The following NKAIN4 variants were observed in gnomAD, a reference collection of about 807,000 sequenced individuals.
The protein encoded by NKAIN4 is sodium/potassium transporting ATPase interacting 4.
A neutral mutation model predicts 28.8 loss-of-function variants in NKAIN4; 28 were observed. The ratio of observed to expected loss-of-function variants is 0.97; its 90% CI spans 0.72 to 1.33. The LOEUF (loss-of-function observed/expected upper bound fraction) is 1.33. NKAIN4 is among the 40% of genes most tolerant of loss of function. The pLI, the probability that NKAIN4 is intolerant of heterozygous loss-of-function variation, is 0.00. For missense variants in NKAIN4, 289 were observed against 277.2 expected (o/e 1.04, Z -0.30); for synonymous variants, 122 against 115.6 (o/e 1.06, Z -0.36).
chr20:63,242,488 G>C, intron 6 of NKAIN4, 51 bp downstream of exon 6: 1 of 1,330,014 alleles, frequency 7.5e-7, no homozygotes. Context: ...TCGCTGTGAG[G>C]GCCAGATTGG....
chr20:63,250,125 C>T (rs986596444), intron 1 of NKAIN4, 53 bp from the exon 2 acceptor site: 14 of 1,514,744 alleles, frequency 9.2e-6, no homozygotes, highest in Middle Eastern at 1.8e-4. Flanking sequence ...GCCCCAGGCC[C>T]GCCAGCCAGG....
intron 5 of NKAIN4, among the ~76,000 whole-genome samples, chr20:63,243,608 A>G (rs182271258): frequency 3.1e-4 from 47 of 152,308 alleles, no homozygotes; most frequent in Non-Finnish European, 4.9e-4. Flanking sequence ...GGGAAGATGA[A>G]ACCCTGCCCA....
chr20:63,244,375 G>A, intron 4 of NKAIN4: 1 of 528,180 alleles, frequency 1.9e-6, no homozygotes, highest in Non-Finnish European at 3.6e-6. Context: ...GTCAGCCTGA[G>A]TGGCTGCAGG....
At chr20:63,243,766 G>T in intron 5 of NKAIN4, 1 of 409,688 alleles carries the variant, frequency 2.4e-6, no homozygotes, top group South Asian at 4.0e-5. Flanking sequence ...CATGAGGGCA[G>T]GCCCAGCCCA....
intron 1 of NKAIN4, chr20:63,253,335 T>C (rs112820553): frequency 6.1e-6 from 6 of 985,176 alleles, no homozygotes; most frequent in Non-Finnish European, 7.2e-6. Context: ...GGAAGCTCCT[T>C]CCTTCCTGCA....
intron 4 of NKAIN4, among the ~76,000 whole-genome samples, chr20:63,246,082 C>T (rs568006781): frequency 3.6e-4 from 55 of 152,300 alleles, no homozygotes; most frequent in Middle Eastern, 3.4e-3. Context: ...CGCCCGCCAC[C>T]ACGCCCGGCT....
At chr20:63,241,584 G>A in intron 6 of NKAIN4, 78 bp from the exon 7 acceptor site, 1 of 1,321,918 alleles carries the variant, frequency 7.6e-7, no homozygotes, top group Non-Finnish European at 1.1e-6. Flanking sequence ...CCTCCCCTTG[G>A]AGAACCTGAA....
intron 1 of NKAIN4, chr20:63,254,112 G>A: frequency 2.3e-6 from 1 of 442,734 alleles, no homozygotes; most frequent in Non-Finnish European, 4.2e-6. Context: ...CTTCCGTCCG[G>A]CCAGCCCATC....
rs1395820018 is a variant in NKAIN4, at chr20:63,245,368, C to T, written c.472-1284G>A. On this transcript the variant is annotated intron_variant, in intron 4 of 6. Transcript: ENST00000370316. The surrounding 1 kb of genome is among the most constrained non-coding windows in gnomAD (Gnocchi z 4.7). Reference sequence around the variant, plus strand: ...AAAGGAGCCCAAGACGCCCCCATCCCGGAGCTGGCCGTGGCGCCGAACAGG... The same window carrying T: ...AAAGGAGCCCAAGACGCCCCCATCCTGGAGCTGGCCGTGGCGCCGAACAGG... Among the ~76,000 whole-genome samples the T allele has an allele frequency of 2.0e-5, 3 of 152,300 alleles. No individual in the cohort carries two copies. Among genetic ancestry groups the T allele is most frequent in the East Asian group, 1.9e-4 (1 of 5,170 alleles).
intron 3 of NKAIN4, chr20:63,248,425 G>A: frequency 5.1e-6 from 1 of 195,698 alleles, no homozygotes; most frequent in South Asian, 1.0e-4. Context: ...TCCCTGCATT[G>A]CAGGAGGCAC....
intron 1 of NKAIN4, among the ~76,000 whole-genome samples, chr20:63,250,358 C>T (rs2066935108): frequency 6.6e-6 from 1 of 152,184 alleles, no homozygotes; most frequent in Non-Finnish European, 1.5e-5. Context: ...CCCCGGTGAG[C>T]GTTCCTCCCT....
At chr20:63,248,687 G>A (rs1362193130) in intron 3 of NKAIN4, 128 bp downstream of exon 3, 10 of 679,796 alleles carry the variant, frequency 1.5e-5, no homozygotes, top group Non-Finnish European at 2.4e-5. Context: ...GGGTGCTGGG[G>A]ACAGAGCCAT....
chr20:63,247,287 C>A (rs2066876569), intron 4 of NKAIN4: 1 of 1,351,446 alleles, frequency 7.4e-7, no homozygotes, highest in Non-Finnish European at 9.6e-7. Context: ...GGTGTCTCGG[C>A]CTGATCCGAT....
At position 63,254,430 on chromosome 20, in the gene NKAIN4, G is replaced by C; in HGVS notation, c.21C>G (p.Arg7=). 1 of 1,435,284 alleles carries C rather than the reference G, an allele frequency of 7.0e-7. No individual in the cohort carries two copies. Among genetic ancestry groups the C allele is most frequent in the Non-Finnish European group, 9.1e-7 (1 of 1,094,286 alleles). The allele number at this position is 1,435,284 out of a possible 1,614,324, so 88.9% of individuals were successfully genotyped here. The part of the protein sequence containing the change: MGSCSG[R]CALVVLCAFQ... ...AAGCGCAGAGGACGACGAGCGCGCAGCGGCCGGAGCAGGAGCCCATGGTGC... is the reference window on the plus strand; with the variant it reads ...AAGCGCAGAGGACGACGAGCGCGCACCGGCCGGAGCAGGAGCCCATGGTGC... The change falls in exon 1 of 7, where the codon CGC becomes CGG. Residue 7 remains arginine (R), a synonymous_variant. Coordinates refer to ENST00000370316, the MANE Select transcript of NKAIN4 (RefSeq NM_152864.4).
At position 63,242,607 on chromosome 20, in the gene NKAIN4, T is replaced by A; in HGVS notation, c.549A>T (p.Gly183=). Residue 183 remains glycine, a synonymous_variant, in exon 6 of 7, where the codon GGA becomes GGT. Transcript: ENST00000370316. ...EEEDSFDFIG[G]FDPFPLYHVN... is the part of the protein sequence containing the mutation. ...CATGGTAGAGAGGAAATGGATCAAA[T>A]CCACCAATGAAATCAACTGAAAGAA... 3 of 1,612,534 alleles carry A rather than the reference T, an allele frequency of 1.9e-6. No individual in the cohort carries two copies.
In NKAIN4 at chr20:63,242,638, G is replaced by A. The variant is rs751807276; in HGVS notation, c.533-15C>T. The A allele has an allele frequency of 6.3e-7, 1 of 1,596,082 alleles. No homozygotes were observed. Among genetic ancestry groups the A allele is most frequent in the South Asian group, 1.1e-5 (1 of 90,662 alleles). ...AATGAAATCAACTGAAAGAAATCAA[G>A]ACCCAAATAAAACAAAACCTACACA... On this transcript the variant is annotated splice_polypyrimidine_tract_variant and intron_variant, in intron 5 of 6. Coordinates refer to ENST00000370316, the MANE Select transcript of NKAIN4 (RefSeq NM_152864.4).
chr20:63,241,401 G>A lies in NKAIN4; in HGVS notation c.*96C>T. On this transcript the variant is annotated 3_prime_UTR_variant, in exon 7 of 7. Transcript: ENST00000370316. ...CTGCCGGCCGCCTGGGGGGTGCTGG[G>A]TGGGGGCGCGTCCCAAGGCCTGGGA... 2 of 1,362,808 alleles carry A rather than the reference G, an allele frequency of 1.5e-6. No homozygotes were observed. The highest frequency in any genetic ancestry group is 1.2e-5 in the South Asian group (1 of 80,016). The allele number at this position is 1,362,808 out of a possible 1,614,324, so 84.4% of individuals were successfully genotyped here.
At position 63,252,135 on chromosome 20, in the gene NKAIN4, T is replaced by TG. The variant is rs949490983; in HGVS notation, c.55-2064dup. ...TGGAGACCCTGCAGCACAGAGGGGC[T>TG]GGGGGCGTCTTTTTCATCTCGAAGC... On this transcript the variant is annotated intron_variant, in intron 1 of 6. Coordinates refer to ENST00000370316, the MANE Select transcript of NKAIN4 (RefSeq NM_152864.4). This position sits in a 1 kb window ranked among gnomAD's most constrained non-coding sequence, Gnocchi z 4.6. 2.0e-5 allele frequency among the ~76,000 whole-genome samples: 3 copies of TG among 152,090 alleles called. No individual in the cohort carries two copies. Among genetic ancestry groups the TG allele is most frequent in the African/African-American group, 7.2e-5 (3 of 41,400 alleles).
rs994312140 is a variant in NKAIN4, at chr20:63,252,211, C to G, written c.55-2139G>C. ...CATGACATGTGGCGACATGCATGAG[C>G]AGGGAGGCTCATGCCACCATGGAAG... is the stretch of plus-strand genomic sequence containing the variant. On this transcript the variant is annotated intron_variant, in intron 1 of 6. Coordinates refer to ENST00000370316, the MANE Select transcript of NKAIN4 (RefSeq NM_152864.4). The surrounding 1 kb of genome is among the most constrained non-coding windows in gnomAD (Gnocchi z 4.6). Among the ~76,000 whole-genome samples, 5 of 152,170 alleles carry G rather than the reference C, an allele frequency of 3.3e-5. No individual in the cohort carries two copies. Among genetic ancestry groups the G allele is most frequent in the African/African-American group, 9.7e-5 (4 of 41,446 alleles).
Sources: gnomAD v4.1 joint callset for allele counts (sites outside exome capture counted in the v4.1 genomes callset) on GRCh38, gnomAD v4.1.1 for gene constraint, Gnocchi (gnomAD v3.1) non-coding constraint, MANE v1.5 for transcripts, NCBI Gene and HGNC (gene_info 2026-07-23, HGNC 2026-07-21) for gene names.